Variants in KCNIP4 observed in about 807,000 individuals in gnomAD.
KCNIP4 encodes the protein potassium voltage-gated channel interacting protein 4.
KCNIP4 carries 12 observed loss-of-function variants against 34.0 expected under a neutral mutation model. The ratio of observed to expected loss-of-function variants is 0.35; its 90% CI spans 0.23 to 0.57. The LOEUF (loss-of-function observed/expected upper bound fraction) is 0.57, where lower values mean the gene tolerates loss of function less well. Among genes scored for constraint, KCNIP4 ranks in the 20% least tolerant of loss-of-function variants. The pLI is 0.83. For missense variants in KCNIP4, 238 were observed against 311.7 expected, an observed-to-expected ratio of 0.76 and a Z score of 1.78; for synonymous variants, 124 against 102.2, an observed-to-expected ratio of 1.21 and a Z score of -1.29.
intron 1 of KCNIP4, among the ~76,000 whole-genome samples, chr4:21,755,945 T>C (rs1002722211): frequency 6.6e-6 from 1 of 152,196 alleles, no homozygotes; most frequent in Non-Finnish European, 1.5e-5. Context: ...TTAGATTTTA[T>C]TAGAAACTAT....
chr4:21,653,947 C>T (rs1747709571), intron 1 of KCNIP4, among the ~76,000 whole-genome samples: 1 of 152,158 alleles, frequency 6.6e-6, no homozygotes, highest in South Asian at 2.1e-4. Flanking sequence ...AAGAAGTCCT[C>T]ATTTAGGAAA....
chr4:21,915,438 T>C (rs1039901094), intron 1 of KCNIP4, among the ~76,000 whole-genome samples: 2 of 152,230 alleles, frequency 1.3e-5, no homozygotes, highest in South Asian at 4.1e-4. Context: ...TAGATAAGCA[T>C]CATTATGAAC....
intron 1 of KCNIP4, among the ~76,000 whole-genome samples, chr4:21,663,285 A>C (rs1748584243): frequency 6.6e-6 from 1 of 152,186 alleles, no homozygotes; most frequent in Non-Finnish European, 1.5e-5. Flanking sequence ...TATCAAGGTG[A>C]TTGTGGCCTT....
At chr4:21,556,158 A>T in intron 1 of KCNIP4, among the ~76,000 whole-genome samples, 1 of 152,276 alleles carries the variant, frequency 6.6e-6, no homozygotes, top group East Asian at 1.9e-4. Context: ...GATTTTGAGA[A>T]TACTATGGAA....
intron 1 of KCNIP4, among the ~76,000 whole-genome samples, chr4:21,512,490 T>C (rs1024861990): frequency 7.2e-5 from 11 of 151,858 alleles, no homozygotes; most frequent in Non-Finnish European, 1.6e-4. Flanking sequence ...TGGTAAAAGA[T>C]GACAAAAAAA....
chr4:21,931,697 G>A (rs1729576485), intron 1 of KCNIP4, among the ~76,000 whole-genome samples: 1 of 152,024 alleles, frequency 6.6e-6, no homozygotes, highest in Non-Finnish European at 1.5e-5. Context: ...ATTTGGGTTG[G>A]TTCCAAGTCT....
chr4:21,232,065 G>A (rs1006105539), intron 1 of KCNIP4, among the ~76,000 whole-genome samples: 3 of 152,026 alleles, frequency 2.0e-5, no homozygotes, highest in Admixed American at 6.6e-5. Flanking sequence ...TTTGACAGGC[G>A]GCCTTGATTC....
chr4:20,780,788 C>T (rs1387275686), intron 3 of KCNIP4, among the ~76,000 whole-genome samples: 1 of 152,178 alleles, frequency 6.6e-6, no homozygotes, highest in East Asian at 1.9e-4. Context: ...CTGTTGGAGC[C>T]TTGATCCAGC....
intron 1 of KCNIP4, among the ~76,000 whole-genome samples, chr4:21,180,160 G>A (rs1189056147): frequency 6.6e-6 from 1 of 152,092 alleles, no homozygotes. Context: ...AGTTTAATAA[G>A]TACCTAAAAA....
chr4:21,463,276 A>G (rs1344442767), intron 1 of KCNIP4, among the ~76,000 whole-genome samples: 1 of 152,046 alleles, frequency 6.6e-6, no homozygotes, highest in African/African-American at 2.4e-5. Context: ...GTGATGTTAA[A>G]TATTTTTTTC....
chr4:20,732,792 A>C lies in KCNIP4; in HGVS notation c.538-7T>G. 6.5e-7 allele frequency: 1 copy of C among 1,544,044 alleles called. No individual in the cohort carries two copies. The highest frequency in any genetic ancestry group is 9.0e-7 in the Non-Finnish European group (1 of 1,117,316). ...TCATTATATCAAGCATTTCCTGAAA[A>C]ATAAAAGGCACTCACGTGAGGCTGC... is the stretch of plus-strand genomic sequence containing the variant. On this transcript the variant is annotated splice_region_variant and splice_polypyrimidine_tract_variant and intron_variant, in intron 6 of 8. Transcript: ENST00000382152.
chr4:21,076,340 T>C (rs1745484682), intron 1 of KCNIP4, among the ~76,000 whole-genome samples: 1 of 152,114 alleles, frequency 6.6e-6, no homozygotes, highest in Non-Finnish European at 1.5e-5. Context: ...TCCAGCCCAC[T>C]CTACTCTCTC....
chr4:20,794,153 T>TAA (rs1176926874), intron 3 of KCNIP4, among the ~76,000 whole-genome samples: 7 of 152,302 alleles, frequency 4.6e-5, no homozygotes, highest in Non-Finnish European at 1.0e-4. Context: ...GTGAGCCCAT[T>TAA]AAACCTCTTT....
At chr4:21,212,006 A>C (rs1276756465) in intron 1 of KCNIP4, among the ~76,000 whole-genome samples, 1 of 152,172 alleles carries the variant, frequency 6.6e-6, no homozygotes, top group East Asian at 1.9e-4. Context: ...GCCCATCAAC[A>C]AAGAAGGTGC....
chr4:20,752,746 T>C (rs983177504), intron 4 of KCNIP4: 10 of 152,210 alleles, frequency 6.6e-5, no homozygotes, highest in African/African-American at 2.4e-4. Context: ...TGGCTTTGAC[T>C]GGGTGAGAGA....
chr4:21,650,996 C>T (rs1420086395), intron 1 of KCNIP4, among the ~76,000 whole-genome samples: 2 of 152,206 alleles, frequency 1.3e-5, no homozygotes, highest in Non-Finnish European at 2.9e-5. Context: ...TAGTGACTCT[C>T]CTGCTGAATC....
At chr4:21,633,227 C>G (rs774606988) in intron 1 of KCNIP4, among the ~76,000 whole-genome samples, 6 of 152,192 alleles carry the variant, frequency 3.9e-5, no homozygotes, top group Non-Finnish European at 7.4e-5. Context: ...GACAGCAAAC[C>G]TACATTAAAA....
At chr4:21,480,379 G>T (rs1477084917) in intron 1 of KCNIP4, among the ~76,000 whole-genome samples, 3 of 152,096 alleles carry the variant, frequency 2.0e-5, no homozygotes, top group Non-Finnish European at 4.4e-5. Flanking sequence ...CGAATCTTTT[G>T]TCAATAGACA....
At chr4:21,946,193 T>A (rs1407910979) in intron 1 of KCNIP4, among the ~76,000 whole-genome samples, 1 of 151,970 alleles carries the variant, frequency 6.6e-6, no homozygotes, top group Non-Finnish European at 1.5e-5. Context: ...GTGTTCTATC[T>A]CTAAGTCAGG....
Sources: allele counts gnomAD v4.1 joint callset (sites outside exome capture counted in the v4.1 genomes callset), GRCh38; gene constraint gnomAD v4.1.1; transcripts MANE v1.5; gene names NCBI Gene and HGNC (gene_info 2026-07-23, HGNC 2026-07-21).